The following AIG1 variants were observed in gnomAD, a reference collection of about 807,000 sequenced individuals.
The protein encoded by AIG1 is androgen induced 1.
A neutral mutation model predicts 31.4 loss-of-function variants in AIG1; 23 were observed. The observed-to-expected ratio is 0.73, with a 90% confidence interval of 0.53 to 1.04. AIG1 has a LOEUF of 1.04. AIG1 is among the 50% of genes least tolerant of loss of function. The pLI is 0.00. For synonymous variants in AIG1, 100 were observed against 110.5 expected (o/e 0.90, Z 0.60); for missense variants, 274 against 295.0 (o/e 0.93, Z 0.52).
At chr6:143,315,126 T>C (rs915391463) in intron 4 of AIG1, among the ~76,000 whole-genome samples, 4 of 152,122 alleles carry the variant, frequency 2.6e-5, no homozygotes, top group Non-Finnish European at 5.9e-5. Context: ...GAATGATGTC[T>C]TTTGTTTCCA....
intron 3 of AIG1, among the ~76,000 whole-genome samples, chr6:143,217,395 C>G (rs1792112917): frequency 6.6e-6 from 1 of 152,160 alleles, no homozygotes; most frequent in Admixed American, 6.5e-5. Context: ...CTTAGTACAC[C>G]CCACTCATGG....
chr6:143,234,153 G>A (rs574170532), intron 3 of AIG1, among the ~76,000 whole-genome samples: 101 of 152,214 alleles, frequency 6.6e-4, no homozygotes, highest in Admixed American at 1.2e-3. Context: ...GGTGGTCGGC[G>A]GGGGGACTAT....
chr6:143,087,464 C>T (rs1466689218), intron 1 of AIG1, among the ~76,000 whole-genome samples: 1 of 152,204 alleles, frequency 6.6e-6, no homozygotes, highest in African/African-American at 2.4e-5. Context: ...ATTGGTGAGA[C>T]TTTAGTCTGA....
intron 4 of AIG1, among the ~76,000 whole-genome samples, chr6:143,290,684 T>C (rs1197393351): frequency 6.6e-6 from 1 of 152,140 alleles, no homozygotes; most frequent in Non-Finnish European, 1.5e-5. Context: ...CCAATTATTA[T>C]TTTAGAGAGG....
chr6:143,170,474 A>T (rs995702405), intron 3 of AIG1, among the ~76,000 whole-genome samples: 1 of 151,684 alleles, frequency 6.6e-6, no homozygotes, highest in African/African-American at 2.4e-5. Flanking sequence ...TCGTATTTCT[A>T]TGGTATCAGT....
chr6:143,168,397 T>G (rs1260637058), intron 3 of AIG1, among the ~76,000 whole-genome samples: 5 of 149,826 alleles, frequency 3.3e-5, no homozygotes, highest in African/African-American at 1.2e-4. Flanking sequence ...CCTAATGCTA[T>G]CCCTCTCCCC....
intron 1 of AIG1, among the ~76,000 whole-genome samples, chr6:143,122,494 A>G (rs757054939): frequency 3.9e-5 from 6 of 152,170 alleles, no homozygotes; most frequent in African/African-American, 7.2e-5. Context: ...GATGCAAGAT[A>G]CTCCATTACT....
intron 3 of AIG1, among the ~76,000 whole-genome samples, chr6:143,168,290 GTA>G (rs1379715744): frequency 1.3e-5 from 2 of 151,292 alleles, no homozygotes; most frequent in Non-Finnish European, 2.9e-5. Flanking sequence ...AAGTTTTAGG[GTA>G]TATGTGCACA....
intron 3 of AIG1, chr6:143,189,825 C>A: frequency 2.1e-6 from 2 of 974,522 alleles, no homozygotes; most frequent in Non-Finnish European, 2.4e-6. Flanking sequence ...AGAGATATAT[C>A]TTAGTCCATT....
chr6:143,068,818 A>G (rs916727688), intron 1 of AIG1, among the ~76,000 whole-genome samples: 7 of 152,196 alleles, frequency 4.6e-5, no homozygotes, highest in African/African-American at 9.7e-5. Context: ...GTTCATACGT[A>G]TGTAGTCAGA....
At chr6:143,263,472 C>G (rs909845585) in intron 3 of AIG1, among the ~76,000 whole-genome samples, 1 of 151,982 alleles carries the variant, frequency 6.6e-6, no homozygotes, top group Non-Finnish European at 1.5e-5. Flanking sequence ...TGTACATACA[C>G]CACATTTTCT....
chr6:143,122,347 A>G (rs2128502288), intron 1 of AIG1, among the ~76,000 whole-genome samples: 1 of 152,272 alleles, frequency 6.6e-6, no homozygotes, highest in African/African-American at 2.4e-5. Context: ...AACTTTGACT[A>G]TTGATGGTTC....
intron 2 of AIG1, among the ~76,000 whole-genome samples, chr6:143,164,463 A>G (rs1029248968): frequency 6.6e-6 from 1 of 152,214 alleles, no homozygotes; most frequent in African/African-American, 2.4e-5. Context: ...CTTCTAAGTT[A>G]TTCCAAGAGA....
chr6:143,247,930 A>G (rs1034449001), intron 3 of AIG1, among the ~76,000 whole-genome samples: 2 of 152,118 alleles, frequency 1.3e-5, no homozygotes, highest in South Asian at 2.1e-4. Context: ...GTTTTTCCTT[A>G]CAAAAACATG....
chr6:143,302,498 G>A (rs1275512008), intron 4 of AIG1, among the ~76,000 whole-genome samples: 1 of 151,886 alleles, frequency 6.6e-6, no homozygotes, highest in Non-Finnish European at 1.5e-5. Context: ...TCTTGCGATA[G>A]TTTACTGAGA....
Position 143,243,409 on chromosome 6 carries a change from C to G in AIG1, c.400-40701C>G, listed in dbSNP as rs566469269. Among the ~76,000 whole-genome samples the G allele has an allele frequency of 1.8e-3, 279 of 152,312 alleles. 1 individual carries two copies. The Middle Eastern group carries it at 0.037, about 20-fold the overall frequency. On this transcript the variant is annotated intron_variant, in intron 3 of 5. Coordinates refer to ENST00000357847, the MANE Select transcript of AIG1 (RefSeq NM_016108.4). ...AATAGAAGTTTCAAAAAAAGGAAGC[C>G]TGTACATTCTTGGAATTAGCAAGGT...
At chr6:143,096,945 TATAC>T (rs3840179) in intron 1 of AIG1, among the ~76,000 whole-genome samples, 9,328 of 152,184 alleles carry the variant, frequency 0.061, 669 homozygotes, top group East Asian at 0.37. Context: ...TTTTCCATCT[TATAC>T]ATTTAATTTT....
chr6:143,221,874 C>A (rs1385658834), intron 3 of AIG1, among the ~76,000 whole-genome samples: 1 of 152,166 alleles, frequency 6.6e-6, no homozygotes, highest in African/African-American at 2.4e-5. Context: ...ATTTTTGGAT[C>A]TAGATTCACA....
intron 1 of AIG1, among the ~76,000 whole-genome samples, chr6:143,136,056 TG>T (rs1452980385): frequency 6.6e-6 from 1 of 152,182 alleles, no homozygotes; most frequent in Admixed American, 6.5e-5. Flanking sequence ...AAAACATAGC[TG>T]ATCTAAATGC....
Sources: gnomAD v4.1 joint callset for allele counts (sites outside exome capture counted in the v4.1 genomes callset) on GRCh38, gnomAD v4.1.1 for gene constraint, MANE v1.5 for transcripts, NCBI Gene and HGNC (gene_info 2026-07-23, HGNC 2026-07-21) for gene names.